Variants in MTMR8 observed in about 807,000 individuals in gnomAD.
The protein encoded by MTMR8 is myotubularin related protein 8, also known as phosphatidylinositol-3,5-bisphosphate 3-phosphatase MTMR8.
MTMR8 carries 65 observed loss-of-function variants against 39.3 expected under a neutral mutation model. The ratio of observed to expected loss-of-function variants is 1.65; its 90% CI spans 1.35 to 2.03. The LOEUF (loss-of-function observed/expected upper bound fraction) is 2.03, where lower values mean the gene tolerates loss of function less well. MTMR8 is among the 30% of genes most tolerant of loss of function. MTMR8 has a pLI of 0.00. For missense variants in MTMR8, 777 were observed against 538.9 expected (o/e 1.44, Z -4.37); for synonymous variants, 245 against 185.2 (o/e 1.32, Z -2.62).
At chrX:64,341,201 G>A (rs137950333) in intron 8 of MTMR8, among the ~76,000 whole-genome samples, 58 of 111,940 alleles carry the variant, frequency 5.2e-4, no homozygotes, top group Admixed American at 1.9e-3. Context: ...AGTATGGGCC[G>A]GGCGTGGTAG....
At chrX:64,388,187 A>T (rs1304973190) in intron 1 of MTMR8, among the ~76,000 whole-genome samples, 1 of 111,911 alleles carries the variant, frequency 8.9e-6, no homozygotes, top group Admixed American at 9.5e-5. Flanking sequence ...AATAATAAAT[A>T]AAAGAAGTGA....
intron 1 of MTMR8, among the ~76,000 whole-genome samples, chrX:64,380,676 G>A (rs190602352): frequency 1.1e-3 from 118 of 112,099 alleles, no homozygotes; most frequent in Non-Finnish European, 1.6e-3. Context: ...CATGTGCCAT[G>A]TTGGTGTGCT....
intron 12 of MTMR8, among the ~76,000 whole-genome samples, chrX:64,273,600 C>A (rs986034465): frequency 9.0e-6 from 1 of 111,149 alleles, no homozygotes; most frequent in African/African-American, 3.3e-5. Flanking sequence ...AGTAAATCCT[C>A]CCCTATCAAT....
At chrX:64,381,592 GA>G (rs1924427148) in intron 1 of MTMR8, among the ~76,000 whole-genome samples, 1 of 110,623 alleles carries the variant, frequency 9.0e-6, no homozygotes, top group Admixed American at 9.7e-5. Flanking sequence ...TTGCTGTGCA[GA>G]AGCTCTTTAG....
intron 12 of MTMR8, among the ~76,000 whole-genome samples, chrX:64,284,055 C>T (rs771893525): frequency 9.0e-6 from 1 of 111,726 alleles, no homozygotes; most frequent in African/African-American, 3.3e-5. Context: ...GAACCCATGG[C>T]AAAGAAGTTA....
At chrX:64,353,899 C>A (rs757999478) in intron 4 of MTMR8, among the ~76,000 whole-genome samples, 1 of 110,862 alleles carries the variant, frequency 9.0e-6, no homozygotes, top group Admixed American at 9.6e-5. Context: ...TACACTCTAC[C>A]TTGGGCAACA....
In MTMR8 at chrX:64,311,488, C is replaced by G. The variant is rs185052659; in HGVS notation, c.1481+17284G>C. 5.4e-3 allele frequency among the ~76,000 whole-genome samples: 605 copies of G among 111,720 alleles called. 5 individuals are homozygous for G. The highest frequency in any genetic ancestry group is 0.019 in the African/African-American group (574 of 30,729). On this transcript the variant is annotated intron_variant, in intron 12 of 13. Coordinates refer to ENST00000374852, the MANE Select transcript of MTMR8 (RefSeq NM_017677.4). ...TAGTTTCTTTTGCCATGCAGAAGCC[C>G]TTTAGTTTAATTAGATCCCATTTGT... is the stretch of plus-strand genomic sequence containing the variant.
At chrX:64,335,274 G>A (rs1228332690) in intron 10 of MTMR8, among the ~76,000 whole-genome samples, 1 of 110,656 alleles carries the variant, frequency 9.0e-6, no homozygotes, top group Non-Finnish European at 1.9e-5. Flanking sequence ...CAGGATTATA[G>A]GCACCCGCCA....
rs1388553725 is a variant in MTMR8 at position 64,354,916 on chromosome X, T to A, written c.329A>T (p.Tyr110Phe). The A allele has an allele frequency of 8.4e-7, 1 of 1,197,258 alleles. No individual in the cohort carries two copies. Among genetic ancestry groups the A allele is most frequent in the Non-Finnish European group, 1.1e-6 (1 of 889,185 alleles). The change falls in exon 4 of 14, where the codon TAT (tyrosine) becomes TTT (phenylalanine). Residue 110 changes from tyrosine (Y) to phenylalanine (F), a missense_variant. Transcript: ENST00000374852. ...GGATTTGGGATTATAAGAAAAAGCA[T>A]AAAGATCTTCAGGTAATGCTGGAGA... ...LSQPALPEDL[Y>F]AFSYNPKSSK...
chrX:64,390,611 G>A (rs374755414), intron 1 of MTMR8, among the ~76,000 whole-genome samples: 4 of 111,304 alleles, frequency 3.6e-5, no homozygotes, highest in Non-Finnish European at 7.5e-5. Flanking sequence ...AATTAACTTC[G>A]TTATTAGCAG....
At chrX:64,322,789 G>A (rs1379434119) in intron 12 of MTMR8, among the ~76,000 whole-genome samples, 1 of 112,647 alleles carries the variant, frequency 8.9e-6, no homozygotes, top group African/African-American at 3.2e-5. Flanking sequence ...CTGAGAATAA[G>A]CTGCCTAGGA....
At chrX:64,287,816 C>G (rs1340429096) in intron 12 of MTMR8, among the ~76,000 whole-genome samples, 6 of 105,421 alleles carry the variant, frequency 5.7e-5, no homozygotes, top group Non-Finnish European at 9.7e-5. Context: ...AAAATTAATT[C>G]AAGATGGATT....
chrX:64,366,197 C>A (rs749122614), intron 1 of MTMR8, among the ~76,000 whole-genome samples: 1 of 111,385 alleles, frequency 9.0e-6, no homozygotes, highest in Admixed American at 9.6e-5. Context: ...GACAGATCAA[C>A]GAGACAGAAG....
chrX:64,348,846 A>C, intron 5 of MTMR8, 52 bp from the exon 6 acceptor site: 1 of 1,187,253 alleles, frequency 8.4e-7, no homozygotes, highest in Non-Finnish European at 1.1e-6. Flanking sequence ...AATGGTCAAA[A>C]ATCTTTCTTG....
intron 1 of MTMR8, among the ~76,000 whole-genome samples, chrX:64,364,964 T>A (rs1025425860): frequency 8.1e-5 from 9 of 111,452 alleles, no homozygotes; most frequent in African/African-American, 2.9e-4. Flanking sequence ...TCATGATGCA[T>A]GCACAAGCTT....
At chrX:64,318,111 T>G (rs941551637) in intron 12 of MTMR8, among the ~76,000 whole-genome samples, 1 of 112,301 alleles carries the variant, frequency 8.9e-6, no homozygotes, top group African/African-American at 3.2e-5. Flanking sequence ...AGTTACCTTA[T>G]TACCACTTAG....
Position 64,268,855 on chromosome X carries a change from A to T in MTMR8, c.1797T>A (p.Asp599Glu). ...SREGGLRAQM[D>E]QVKSQGADLH... ...GGTCTGCACCCTGGCTTTTTACTTGATCCATCTGAGCTCGGAGGCCTCCTT... is the reference window on the plus strand; with the variant it reads ...GGTCTGCACCCTGGCTTTTTACTTGTTCCATCTGAGCTCGGAGGCCTCCTT... Residue 599 changes from aspartate (D) to glutamate (E), a missense_variant, in exon 14 of 14, where the codon GAT becomes GAA. Coordinates refer to ENST00000374852, the MANE Select transcript of MTMR8 (RefSeq NM_017677.4). 1 of 1,211,533 alleles carries T rather than the reference A, an allele frequency of 8.3e-7. No individual in the cohort carries two copies. The highest frequency in any genetic ancestry group is 1.1e-6 in the Non-Finnish European group (1 of 895,455).
intron 12 of MTMR8, among the ~76,000 whole-genome samples, chrX:64,288,815 C>T (rs754391648): frequency 2.4e-4 from 26 of 109,671 alleles, no homozygotes; most frequent in Non-Finnish European, 4.7e-4. Context: ...GGGAAATGAA[C>T]AATGAGAACA....
intron 1 of MTMR8, among the ~76,000 whole-genome samples, chrX:64,370,577 A>G (rs868549201): frequency 1.8e-5 from 2 of 111,936 alleles, no homozygotes; most frequent in African/African-American, 3.2e-5. Flanking sequence ...AAGGCATTTA[A>G]GAAAAGGATA....
Sources: gnomAD v4.1 joint callset for allele counts (sites outside exome capture counted in the v4.1 genomes callset) on GRCh38, gnomAD v4.1.1 for gene constraint, MANE v1.5 for transcripts, NCBI Gene and HGNC (gene_info 2026-07-23, HGNC 2026-07-21) for gene names.